Variants in ZFHX3 observed in about 807,000 individuals in gnomAD.
ZFHX3 encodes the protein zinc finger homeobox protein 3.
In ZFHX3, 42 loss-of-function variants were observed where a neutral mutation model predicts 279.1. That is an observed-to-expected ratio of 0.15 (90% confidence interval 0.12 to 0.19). ZFHX3 has a LOEUF of 0.19. Among genes scored for constraint, ZFHX3 ranks in the 10% least tolerant of loss-of-function variants. The pLI is 1.00. For missense variants in ZFHX3, 4,981 were observed against 4,754.0 expected (o/e 1.05, Z -1.40); for synonymous variants, 2,293 against 1,957.8 (o/e 1.17, Z -4.52).
At chr16:73,524,070 A>G (rs2019652042) in intron 2 of ZFHX3, among the ~76,000 whole-genome samples, 1 of 152,202 alleles carries the variant, frequency 6.6e-6, no homozygotes, top group Admixed American at 6.5e-5. Context: ...AGGGGTTGGC[A>G]TGAATGTTCG....
At chr16:72,988,937 A>T (rs890858096) in intron 1 of ZFHX3, among the ~76,000 whole-genome samples, 4 of 152,152 alleles carry the variant, frequency 2.6e-5, no homozygotes, top group Non-Finnish European at 5.9e-5. Flanking sequence ...GCACTTTGGG[A>T]GGCCAAAGTG....
At chr16:73,694,653 T>C (rs947924089) in intron 1 of ZFHX3, among the ~76,000 whole-genome samples, 4 of 152,200 alleles carry the variant, frequency 2.6e-5, no homozygotes, top group Non-Finnish European at 5.9e-5. Context: ...AAAATTTTTA[T>C]TAAAAAACAT....
intron 2 of ZFHX3, among the ~76,000 whole-genome samples, chr16:73,634,564 T>C (rs1428872573): frequency 3.3e-5 from 5 of 151,740 alleles, no homozygotes; most frequent in African/African-American, 9.7e-5. Context: ...ACTGTGTTCA[T>C]AGCATTTTGT....
At position 72,917,860 on chromosome 16, in the gene ZFHX3, G is replaced by A. The variant is rs187940438; in HGVS notation, c.3217-27898C>T. 1.8e-3 allele frequency among the ~76,000 whole-genome samples: 272 copies of A among 152,194 alleles called. 1 individual carries two copies. Among genetic ancestry groups the A allele is most frequent in the African/African-American group, 6.4e-3 (264 of 41,506 alleles). On this transcript the variant is annotated intron_variant, in intron 3 of 9. Coordinates refer to ENST00000268489, the MANE Select transcript of ZFHX3 (RefSeq NM_006885.4). The stretch of plus-strand genomic sequence containing the variant: ...CAAAATTAATAAAAATAATTAAGTG[G>A]AAATATATATGTGTGTATATAAAGA...
At chr16:73,407,736 T>C (rs1246311360) in intron 3 of ZFHX3, among the ~76,000 whole-genome samples, 1 of 152,216 alleles carries the variant, frequency 6.6e-6, no homozygotes, top group African/African-American at 2.4e-5. Context: ...CTTTAATTCA[T>C]ACACAAGGAT....
At chr16:73,728,018 C>A (rs1450345753) in intron 1 of ZFHX3, among the ~76,000 whole-genome samples, 1 of 80,892 alleles carries the variant, frequency 1.2e-5, no homozygotes, top group Non-Finnish European at 2.6e-5. Flanking sequence ...GAATTGTGCC[C>A]CCCCCCCGCC....
Position 72,889,811 on chromosome 16 carries a change from C to T in ZFHX3, c.3368G>A (p.Arg1123Gln), listed in dbSNP as rs751593787. The change falls in exon 4 of 10, where the codon CGG becomes CAG. Residue 1123 changes from arginine to glutamine, a missense_variant. By Grantham distance (43) the Arg-to-Gln change is conservative (BLOSUM62 1). Around this residue, in one of 7 missense-constraint regions of ZFHX3, gnomAD observed 1,751 missense variants for 1,770.0 expected, o/e 0.99. Transcript: ENST00000268489. ...QRSESLRKLQRLQKGLPEEDE... is the reference protein window; with the variant it reads ...QRSESLRKLQQLQKGLPEEDE... ...CTCCTCTGGAAGGCCCTTCTGCAGCCGCTGCAGCTTTCGCAGGCTCTCGCT... is the reference window on the plus strand; with the variant it reads ...CTCCTCTGGAAGGCCCTTCTGCAGCTGCTGCAGCTTTCGCAGGCTCTCGCT... 60 of 1,613,696 alleles carry T rather than the reference C, an allele frequency of 3.7e-5. No individual in the cohort carries two copies. Among genetic ancestry groups the T allele is most frequent in the Middle Eastern group, 1.7e-4 (1 of 5,762 alleles).
In ZFHX3 at chr16:72,946,221, C is replaced by G. The variant is rs148427515; in HGVS notation, c.3216+4248G>C. On this transcript the variant is annotated intron_variant, in intron 3 of 9. Coordinates refer to ENST00000268489, the MANE Select transcript of ZFHX3 (RefSeq NM_006885.4). ...CATGTGCATGAATCAATACCACACT[C>G]TGCCTCCTACCTCAGGCCAAGCAGA... Among the ~76,000 whole-genome samples the G allele has an allele frequency of 8.6e-4, 131 of 152,342 alleles. 1 individual carries two copies. Among genetic ancestry groups the G allele is most frequent in the African/African-American group, 3.1e-3 (128 of 41,580 alleles).
intron 2 of ZFHX3, among the ~76,000 whole-genome samples, chr16:73,655,621 T>C (rs2052714999): frequency 6.6e-6 from 1 of 152,210 alleles, no homozygotes; most frequent in South Asian, 2.1e-4. Flanking sequence ...ATAATTATGG[T>C]TATGCAAACA....
intron 2 of ZFHX3, among the ~76,000 whole-genome samples, chr16:73,505,283 A>G (rs1177440120): frequency 6.6e-5 from 10 of 152,126 alleles, no homozygotes; most frequent in Admixed American, 2.6e-4. Context: ...ACCACCTGAT[A>G]GTGGAGATAA....
intron 3 of ZFHX3, among the ~76,000 whole-genome samples, chr16:73,322,155 C>T (rs1258586138): frequency 6.6e-6 from 1 of 152,164 alleles, no homozygotes; most frequent in Non-Finnish European, 1.5e-5. Context: ...AGGCTGGGCC[C>T]CTGACCTGCC....
rs1435382280 is a variant in ZFHX3 at position 73,117,849 on chromosome 16, G to A, written c.-897+13119C>T. Among the ~76,000 whole-genome samples the A allele has an allele frequency of 2.0e-5, 3 of 152,194 alleles. No individual in the cohort carries two copies. The East Asian group carries it at 5.8e-4, about 29-fold the overall frequency. On this transcript the variant is annotated intron_variant, in intron 7 of 17. Transcript: ENST00000641206. ...TCCCTTGCCCCTTCTACCATATGAG[G>A]ACACAGAAAAGATGACTGTCTATGA...
chr16:72,849,860 C>CAAAAAAAAAAAAAAAAAAAAAAAAAA (rs542156633), intron 4 of ZFHX3, among the ~76,000 whole-genome samples: 1 of 56,550 alleles, frequency 1.8e-5, no homozygotes, highest in Non-Finnish European at 3.0e-5. Context: ...GTTCACCTAC[C>CAAAAAAAAAAAAAAAAAAAAAAAAAA]AAAAAAAAAA....
chr16:72,993,144 A>C (rs1372655229), intron 1 of ZFHX3, among the ~76,000 whole-genome samples: 2 of 152,122 alleles, frequency 1.3e-5, no homozygotes, highest in African/African-American at 2.4e-5. Context: ...TCAAACAAAC[A>C]AACAAAAAAA....
chr16:72,810,475 C>G (rs977452255), intron 7 of ZFHX3, among the ~76,000 whole-genome samples: 1 of 152,230 alleles, frequency 6.6e-6, no homozygotes, highest in African/African-American at 2.4e-5. Flanking sequence ...TGTGAGCCCC[C>G]ACGCCTGGCC....
chr16:72,918,264 G>C (rs1285549047), intron 3 of ZFHX3, among the ~76,000 whole-genome samples: 3 of 152,138 alleles, frequency 2.0e-5, no homozygotes, highest in East Asian at 1.9e-4. Flanking sequence ...ACCATATAAA[G>C]AATAGTCACA....
chr16:72,947,711 G>A (rs541866082), intron 3 of ZFHX3, among the ~76,000 whole-genome samples: 1 of 152,122 alleles, frequency 6.6e-6, no homozygotes, highest in African/African-American at 2.4e-5. Flanking sequence ...GGGACAGGGT[G>A]GGGTGGGGAA....
At chr16:72,808,606 T>A (rs577937025) in intron 7 of ZFHX3, among the ~76,000 whole-genome samples, 1 of 152,220 alleles carries the variant, frequency 6.6e-6, no homozygotes, top group Non-Finnish European at 1.5e-5. Flanking sequence ...ACAAGTGCAT[T>A]TCCCACAATC....
chr16:72,851,662 C>T (rs2037620598), intron 4 of ZFHX3, among the ~76,000 whole-genome samples: 1 of 152,032 alleles, frequency 6.6e-6, no homozygotes, highest in Admixed American at 6.6e-5. Context: ...TCAAGAGATT[C>T]TCCTGCCTCA....
Sources: gnomAD v4.1 joint callset for allele counts (sites outside exome capture counted in the v4.1 genomes callset) on GRCh38, gnomAD v4.1.1 for gene constraint, gnomAD v4.1.1 regional missense constraint, MANE v1.5 for transcripts, NCBI Gene and HGNC (gene_info 2026-07-23, HGNC 2026-07-21) for gene names.